SBNO2: variants seen among roughly 807,000 people sequenced by gnomAD.
SBNO2 encodes the protein strawberry notch homolog 2.
Under a neutral mutation model 146.3 loss-of-function variants are expected in SBNO2, and 89 were observed. That is an observed-to-expected ratio of 0.61 (90% CI 0.51 to 0.73). The LOEUF (loss-of-function observed/expected upper bound fraction) is 0.73, where lower values mean the gene tolerates loss of function less well. Among genes scored for constraint, SBNO2 ranks in the 30% least tolerant of loss-of-function variants. The pLI is 0.00. For synonymous variants in SBNO2, 1,147 were observed against 892.6 expected (o/e 1.29, Z -5.08); for missense variants, 2,092 against 2,003.7 (o/e 1.04, Z -0.84).
chr19:1,128,113 A>T, intron 4 of SBNO2: 1 of 505,648 alleles, frequency 2.0e-6, no homozygotes, highest in Non-Finnish European at 3.8e-6. Context: ...ACCATGTGAC[A>T]GAGCGAGAGA....
In SBNO2 at chr19:1,109,096, C is replaced by T. The variant is rs369791503; in HGVS notation, c.3425+39G>A. The T allele has an allele frequency of 1.3e-6, 2 of 1,544,172 alleles. No homozygotes were observed. The highest frequency in any genetic ancestry group is 2.4e-5 in the East Asian group (1 of 40,846). On this transcript the variant is annotated intron_variant, in intron 30 of 31. Coordinates refer to ENST00000361757, the MANE Select transcript of SBNO2 (RefSeq NM_014963.3). The surrounding 1 kb of genome is among the most constrained non-coding windows in gnomAD (Gnocchi z 4.2). Reference sequence around the variant, plus strand: ...CCCCGATCCCCGCCTGGGTCGCCGCCATCTGCCGGTTTCCCCCTGGTCCCC... The same window carrying T: ...CCCCGATCCCCGCCTGGGTCGCCGCTATCTGCCGGTTTCCCCCTGGTCCCC...
At chr19:1,166,294 G>A (rs1371644541) in intron 1 of SBNO2, among the ~76,000 whole-genome samples, 4 of 152,190 alleles carry the variant, frequency 2.6e-5, no homozygotes, top group Non-Finnish European at 4.4e-5. Flanking sequence ...GAGATTCCAC[G>A]ACACAAATGC....
In SBNO2 at chr19:1,108,311, GCGCCCT is replaced by G; in HGVS notation, c.4004_4009del (p.Glu1335_Gly1336del). The G allele has an allele frequency of 7.3e-7, 1 of 1,365,460 alleles. No individual in the cohort carries two copies. The highest frequency in any genetic ancestry group is 9.8e-7 in the Non-Finnish European group (1 of 1,017,880). 84.6% of individuals were successfully genotyped at this position (1,365,460 alleles called of 1,614,324 possible). ...ACCGCCCGCCGCGCCCCCCGCCCCCGCGCCCTCCCCCAGCGCGCCCTCGGAGGGCGG... is the reference window on the plus strand; with the variant it reads ...ACCGCCCGCCGCGCCCCCCGCCCCCGCCCCCAGCGCGCCCTCGGAGGGCGG... On this transcript the variant is annotated inframe_deletion, in exon 32 of 32. Coordinates refer to ENST00000361757, the MANE Select transcript of SBNO2 (RefSeq NM_014963.3).
chr19:1,122,592 T>TTCCCC, intron 9 of SBNO2, 34 bp from the exon 10 acceptor site: 5 of 1,455,720 alleles, frequency 3.4e-6, no homozygotes, highest in South Asian at 2.5e-5. Context: ...CGCCCACCCT[T>TTCCCC]CCCCCTCGCC....
At chr19:1,160,287 G>A (rs1339906803) in intron 1 of SBNO2, among the ~76,000 whole-genome samples, 1 of 152,156 alleles carries the variant, frequency 6.6e-6, no homozygotes, top group East Asian at 1.9e-4. Flanking sequence ...GCCCTCATGG[G>A]CAGCCCCCCA....
chr19:1,153,601 C>CG (rs1243341322), intron 2 of SBNO2, among the ~76,000 whole-genome samples: 4 of 145,988 alleles, frequency 2.7e-5, no homozygotes, highest in Middle Eastern at 3.9e-3. Context: ...TCAGTGGCGC[C>CG]GTCTCCACTC....
At chr19:1,141,708 C>T (rs1303587426) in intron 4 of SBNO2, among the ~76,000 whole-genome samples, 2 of 152,104 alleles carry the variant, frequency 1.3e-5, no homozygotes, top group Non-Finnish European at 2.9e-5. Flanking sequence ...AACTCCCAGA[C>T]TCAAGCGATC....
intron 1 of SBNO2, among the ~76,000 whole-genome samples, chr19:1,163,532 G>A (rs1599881605): frequency 6.6e-6 from 1 of 152,178 alleles, no homozygotes; most frequent in Admixed American, 6.5e-5. Context: ...CGCGACTCCC[G>A]TGAGCACGAG....
In SBNO2 at chr19:1,110,599, CCGGGA is replaced by C; in HGVS notation, c.3028+141_3028+145del. 1.0e-6 allele frequency: 1 copy of C among 977,816 alleles called. No homozygotes were observed. Among genetic ancestry groups the C allele is most frequent in the African/African-American group, 1.7e-5 (1 of 59,322 alleles). 60.6% of individuals were successfully genotyped at this position (977,816 alleles called of 1,614,324 possible). On this transcript the variant is annotated intron_variant, in intron 26 of 31. Coordinates refer to ENST00000361757, the MANE Select transcript of SBNO2 (RefSeq NM_014963.3). This position sits in a 1 kb window ranked among gnomAD's most constrained non-coding sequence, Gnocchi z 4.9. ...GCGTTCCCACGAGCCCCTCGCCCAC[CCGGGA>C]TGCACGGTGTTCCCACGAGCCCCTC...
chr19:1,122,054 C>A lies in SBNO2; in HGVS notation c.1149+85G>T, dbSNP rs2079906467. 6.4e-6 allele frequency: 6 copies of A among 941,368 alleles called. 1 individual carries two copies. The highest frequency in any genetic ancestry group is 5.6e-6 in the Non-Finnish European group (4 of 714,894). The allele number at this position is 941,368 out of a possible 1,614,324, so 58.3% of individuals were successfully genotyped here. On this transcript the variant is annotated intron_variant, in intron 11 of 31. Transcript: ENST00000361757. ...CTGCCCTCCTCTCCCCTGACTCCCA[C>A]CCCTCCTCTCCCACTCCTCCATCCT...
At position 1,109,474 on chromosome 19, in the gene SBNO2, T is replaced by C. The variant is rs1182775254; in HGVS notation, c.3216+32A>G. 3 of 1,574,530 alleles carry C rather than the reference T, an allele frequency of 1.9e-6. No individual in the cohort carries two copies. The highest frequency in any genetic ancestry group is 3.7e-5 in the Admixed American group (2 of 53,598). ...GCCCCGGTCCGCCCCCCGCGGGCCC[T>C]CCTCTGGGGGGGTAACCCCGCCCGA... On this transcript the variant is annotated intron_variant, in intron 28 of 31. Transcript: ENST00000361757. The surrounding 1 kb of genome is among the most constrained non-coding windows in gnomAD (Gnocchi z 4.2).
chr19:1,132,196 A>T, intron 4 of SBNO2: 4 of 1,371,166 alleles, frequency 2.9e-6, no homozygotes, highest in Non-Finnish European at 3.8e-6. Context: ...CGGCTCCCTC[A>T]TGACCGCGGC....
chr19:1,143,995 G>A (rs904507017), intron 4 of SBNO2, among the ~76,000 whole-genome samples: 2 of 152,200 alleles, frequency 1.3e-5, no homozygotes, highest in Non-Finnish European at 2.9e-5. Context: ...GGTCTGAGTC[G>A]GGAGCAGAGG....
chr19:1,108,206 C>A lies in SBNO2; in HGVS notation c.*14G>T. 6.6e-7 allele frequency: 1 copy of A among 1,524,076 alleles called. No individual in the cohort carries two copies. Among genetic ancestry groups the A allele is most frequent in the Non-Finnish European group, 8.8e-7 (1 of 1,133,658 alleles). 94.4% of individuals were successfully genotyped at this position (1,524,076 alleles called of 1,614,324 possible). A position where few individuals can be genotyped will look rare whatever the true frequency, so the allele number is the denominator to read the frequency against. On this transcript the variant is annotated 3_prime_UTR_variant, in exon 32 of 32. Transcript: ENST00000361757. ...GGTCCCTGTGTCTTGGGGCATGTTT[C>A]GCCTAAAGGCGTGTCAGAGAGGAGC...
intron 1 of SBNO2, among the ~76,000 whole-genome samples, chr19:1,156,081 C>A (rs1176524764): frequency 6.6e-6 from 1 of 152,152 alleles, no homozygotes; most frequent in East Asian, 1.9e-4. Flanking sequence ...CTGGGGCGAC[C>A]CCATGACCGT....
rs1018928255 is a variant in SBNO2 at position 1,140,514 on chromosome 19, G to A, written c.279+6795C>T. The stretch of plus-strand genomic sequence containing the variant: ...TCCGGGCCAGGGTGGCTGGAGGGCC[G>A]GGCAAGGCACACACGTGACACCGCG... On this transcript the variant is annotated intron_variant, in intron 4 of 31. Transcript: ENST00000361757. The surrounding 1 kb of genome is among the most constrained non-coding windows in gnomAD (Gnocchi z 4.4). 1.3e-5 allele frequency among the ~76,000 whole-genome samples: 2 copies of A among 152,126 alleles called. No homozygotes were observed. Among genetic ancestry groups the A allele is most frequent in the African/African-American group, 2.4e-5 (1 of 41,442 alleles).
chr19:1,172,771 T>C (rs2080490516), intron 1 of SBNO2, among the ~76,000 whole-genome samples: 7 of 72,312 alleles, frequency 9.7e-5, no homozygotes, highest in African/African-American at 8.1e-5. Flanking sequence ...AAACACTCAC[T>C]GCAACCGCCC....
intron 1 of SBNO2, among the ~76,000 whole-genome samples, chr19:1,163,870 T>C (rs1191619926): frequency 6.6e-6 from 1 of 152,184 alleles, no homozygotes; most frequent in Non-Finnish European, 1.5e-5. Context: ...GGAACGGCAG[T>C]GGCCCCGGTT....
At chr19:1,145,051 G>A (rs1323852904) in intron 4 of SBNO2, among the ~76,000 whole-genome samples, 2 of 142,606 alleles carry the variant, frequency 1.4e-5, no homozygotes, top group South Asian at 4.7e-4. Context: ...AGGCAGAGAG[G>A]AAGACAGAGG....
Sources: gnomAD v4.1 joint callset for allele counts (sites outside exome capture counted in the v4.1 genomes callset) on GRCh38, gnomAD v4.1.1 for gene constraint, Gnocchi (gnomAD v3.1) non-coding constraint, MANE v1.5 for transcripts, NCBI Gene and HGNC (gene_info 2026-07-23, HGNC 2026-07-21) for gene names.